ZNF628: variants seen among roughly 807,000 people sequenced by gnomAD.
The protein encoded by ZNF628 is zinc finger protein 628.
Under a neutral mutation model 2.5 loss-of-function variants are expected in ZNF628, and 3 were observed. The ratio of observed to expected loss-of-function variants is 1.19; its 90% CI spans 0.54 to 3.07. The LOEUF (loss-of-function observed/expected upper bound fraction) is 3.07. ZNF628 is among the 30% of genes most tolerant of loss of function. ZNF628 has a pLI of 0.03. For missense variants in ZNF628, 1,610 were observed against 1,517.1 expected, an observed-to-expected ratio of 1.06 and a Z score of -1.02; for synonymous variants, 861 against 717.1, an observed-to-expected ratio of 1.20 and a Z score of -3.21.
At position 55,482,847 on chromosome 19, in the gene ZNF628, T is replaced by G. The variant is rs1986770615; in HGVS notation, c.1654T>G (p.Cys552Gly). 1 of 1,602,564 alleles carries G rather than the reference T, an allele frequency of 6.2e-7. No individual in the cohort carries two copies. Among genetic ancestry groups the G allele is most frequent in the African/African-American group, 1.3e-5 (1 of 74,422 alleles). The change falls in exon 3 of 3, where the codon TGC (cysteine) becomes GGC (glycine). Residue 552 changes from cysteine (C) to glycine (G), a missense_variant. Cys to Gly is a radical substitution (Grantham distance 159). This residue lies in a region of ZNF628 where 651 missense variants were observed against 575.6 expected (regional missense o/e 1.13). Coordinates refer to ENST00000598519, the MANE Select transcript of ZNF628 (RefSeq NM_033113.3). The part of the protein sequence containing the change: ...ECGKAFRNTS[C>G]LRRHRHVHTG... ...TGGCAAGGCCTTCCGCAACACGTCG[T>G]GCCTGCGTCGCCACCGCCACGTGCA...
intron 1 of ZNF628, among the ~76,000 whole-genome samples, chr19:55,477,353 GTTTTT>G (rs60568698): frequency 6.8e-6 from 1 of 146,856 alleles, no homozygotes; most frequent in African/African-American, 2.5e-5. Context: ...CAGTAGGTTT[GTTTTT>G]TTTTTTTTTT....
At position 55,483,242 on chromosome 19, in the gene ZNF628, C is replaced by T. The variant is rs1314138460; in HGVS notation, c.2049C>T (p.His683=). 6.5e-7 allele frequency: 1 copy of T among 1,535,744 alleles called. No homozygotes were observed. Among genetic ancestry groups the T allele is most frequent in the South Asian group, 1.2e-5 (1 of 83,836 alleles). The stretch of plus-strand genomic sequence containing the variant: ...CCCAAGATGTCCACGTCCTGCCCCA[C>T]CTCCAGGCCACGCTCTCCCTCGAGG... ...PATQDVHVLP[H]LQATLSLEVA... The change falls in exon 3 of 3, where the codon CAC becomes CAT. Residue 683 remains histidine (H), a synonymous_variant. Coordinates refer to ENST00000598519, the MANE Select transcript of ZNF628 (RefSeq NM_033113.3).
At position 55,483,631 on chromosome 19, in the gene ZNF628, A is replaced by C; in HGVS notation, c.2438A>C (p.Gln813Pro). 1 of 1,613,544 alleles carries C rather than the reference A, an allele frequency of 6.2e-7. No individual in the cohort carries two copies. The highest frequency in any genetic ancestry group is 2.2e-5 in the East Asian group (1 of 44,880). ...QNVGGGEAGP[Q>P]EMSGVQLQPL... ...GTGGGGGGTGGGGAGGCAGGGCCACAGGAAATGAGTGGGGTGCAGCTCCAG... is the reference window on the plus strand; with the variant it reads ...GTGGGGGGTGGGGAGGCAGGGCCACCGGAAATGAGTGGGGTGCAGCTCCAG... Residue 813 changes from glutamine (Q) to proline (P), a missense_variant, in exon 3 of 3, where the codon CAG (glutamine) becomes CCG (proline). Physicochemically the swap from Gln to Pro is moderately conservative, Grantham distance 76 (BLOSUM62 -1). Coordinates refer to ENST00000598519, the MANE Select transcript of ZNF628 (RefSeq NM_033113.3).
chr19:55,482,147 G>C lies in ZNF628; in HGVS notation c.954G>C (p.Gly318=), dbSNP rs1423108831. ...TCCTGGAGCACCAGCCGTGCCCCGGGCCCGATGCGGCGCCCCAGCCCCAGG... is the reference window on the plus strand; with the variant it reads ...TCCTGGAGCACCAGCCGTGCCCCGGCCCCGATGCGGCGCCCCAGCCCCAGG... ...ELLLEHQPCP[G]PDAAPQPQEA... is the part of the protein sequence containing the mutation. Residue 318 remains glycine, a synonymous_variant, in exon 3 of 3, where the codon GGG becomes GGC. Coordinates refer to ENST00000598519, the MANE Select transcript of ZNF628 (RefSeq NM_033113.3). The C allele has an allele frequency of 4.0e-6, 6 of 1,500,624 alleles. No individual in the cohort carries two copies. Among genetic ancestry groups the C allele is most frequent in the Non-Finnish European group, 4.4e-6 (5 of 1,128,958 alleles). The allele number at this position is 1,500,624 out of a possible 1,614,324, so 93.0% of individuals were successfully genotyped here.
chr19:55,477,402 C>T (rs1255884216), intron 1 of ZNF628, among the ~76,000 whole-genome samples: 1 of 151,472 alleles, frequency 6.6e-6, no homozygotes, highest in Non-Finnish European at 1.5e-5. Context: ...GCTCCGTTGC[C>T]CAGGCTGGAG....
In ZNF628 at chr19:55,484,380, G is replaced by A; in HGVS notation, c.*7G>A. The stretch of plus-strand genomic sequence containing the variant: ...GCTGGTGCACACGTTTTGAGGAGAG[G>A]CAGTGATTCCCCTCCCGCCCCGCAC... On this transcript the variant is annotated 3_prime_UTR_variant, in exon 3 of 3. Coordinates refer to ENST00000598519, the MANE Select transcript of ZNF628 (RefSeq NM_033113.3). The A allele has an allele frequency of 2.1e-6, 3 of 1,441,306 alleles. No individual in the cohort carries two copies. The highest frequency in any genetic ancestry group is 2.7e-6 in the Non-Finnish European group (3 of 1,094,076). 89.3% of individuals were successfully genotyped at this position (1,441,306 alleles called of 1,614,324 possible). A position where few individuals can be genotyped will look rare whatever the true frequency, so the allele number is the denominator to read the frequency against.
At chr19:55,478,112 G>A (rs1234770679) in intron 1 of ZNF628, among the ~76,000 whole-genome samples, 3 of 152,202 alleles carry the variant, frequency 2.0e-5, no homozygotes, top group Non-Finnish European at 4.4e-5. Context: ...CAGGCGTCCA[G>A]TGGGTCGAGG....
intron 1 of ZNF628, 137 bp downstream of exon 1, chr19:55,476,944 CA>C (rs1448445063): frequency 6.6e-6 from 1 of 152,078 alleles, no homozygotes; most frequent in Admixed American, 6.5e-5. Flanking sequence ...CGACATTTGC[CA>C]GCTAGGCCGG....
chr19:55,478,594 C>T (rs1986620689), intron 1 of ZNF628, among the ~76,000 whole-genome samples: 1 of 152,216 alleles, frequency 6.6e-6, no homozygotes, highest in Non-Finnish European at 1.5e-5. Flanking sequence ...AATGCCCAGC[C>T]CTCCCTGTTG....
At chr19:55,477,570 C>G (rs1291822740) in intron 1 of ZNF628, among the ~76,000 whole-genome samples, 1 of 151,972 alleles carries the variant, frequency 6.6e-6, no homozygotes, top group Non-Finnish European at 1.5e-5. Context: ...AAGACCAGCC[C>G]AGGCAATATG....
chr19:55,481,341 C>A lies in ZNF628; in HGVS notation c.148C>A (p.Arg50=). 6.2e-7 allele frequency: 1 copy of A among 1,612,266 alleles called. No homozygotes were observed. The highest frequency in any genetic ancestry group is 2.2e-5 in the East Asian group (1 of 44,834). Residue 50 remains arginine, a synonymous_variant, in exon 3 of 3, where the codon CGG becomes AGG. Coordinates refer to ENST00000598519, the MANE Select transcript of ZNF628 (RefSeq NM_033113.3). The part of the protein sequence containing the change: ...ECGKSFRWSS[R]LLHHQRTHTG... ...TGGCAAGTCATTCCGGTGGTCGTCC[C>A]GGCTCCTGCACCACCAGCGCACGCA...
At chr19:55,478,152 T>C (rs75123257) in intron 1 of ZNF628, among the ~76,000 whole-genome samples, 2,130 of 152,262 alleles carry the variant, frequency 0.014, 45 homozygotes, top group African/African-American at 0.048. Flanking sequence ...CTCGACACCC[T>C]GCAGTGCACA....
At position 55,482,165 on chromosome 19, in the gene ZNF628, G is replaced by A; in HGVS notation, c.972G>A (p.Gln324=). The change falls in exon 3 of 3, where the codon CAG becomes CAA. Residue 324 remains glutamine, a synonymous_variant. Coordinates refer to ENST00000598519, the MANE Select transcript of ZNF628 (RefSeq NM_033113.3). ...QPCPGPDAAP[Q]PQEAPAEAPK... ...GCCCCGGGCCCGATGCGGCGCCCCAGCCCCAGGAGGCACCCGCCGAGGCGC... is the reference window on the plus strand; with the variant it reads ...GCCCCGGGCCCGATGCGGCGCCCCAACCCCAGGAGGCACCCGCCGAGGCGC... 1 of 1,496,364 alleles carries A rather than the reference G, an allele frequency of 6.7e-7. No individual in the cohort carries two copies. Among genetic ancestry groups the A allele is most frequent in the Non-Finnish European group, 8.9e-7 (1 of 1,127,504 alleles). 92.7% of individuals were successfully genotyped at this position (1,496,364 alleles called of 1,614,324 possible). A position where few individuals can be genotyped will look rare whatever the true frequency, so the allele number is the denominator to read the frequency against.
Position 55,483,830 on chromosome 19 carries a change from G to A in ZNF628, c.2637G>A (p.Gly879=). The stretch of plus-strand genomic sequence containing the variant: ...CCGGCCAGCTCTCCAATTCCAGTGG[G>A]GGAGCTGTGGCTACTGAGGCACCCA... The part of the protein sequence containing the change: ...PVAGQLSNSS[G]GAVATEAPNL... Residue 879 remains glycine (G), a synonymous_variant, in exon 3 of 3, where the codon GGG becomes GGA. Transcript: ENST00000598519. 1 of 1,613,500 alleles carries A rather than the reference G, an allele frequency of 6.2e-7. No individual in the cohort carries two copies. Among genetic ancestry groups the A allele is most frequent in the Middle Eastern group, 1.7e-4 (1 of 6,060 alleles).
rs993586545 is a variant in ZNF628 at position 55,482,497 on chromosome 19, C to T, written c.1304C>T (p.Pro435Leu). 1.9e-4 allele frequency: 276 copies of T among 1,449,474 alleles called. No individual in the cohort carries two copies. The highest frequency in any genetic ancestry group is 2.4e-4 in the Non-Finnish European group (260 of 1,104,988). The allele number at this position is 1,449,474 out of a possible 1,614,324, so 89.8% of individuals were successfully genotyped here. ...EVTCPQEPLA[P>L]AAPVPPPPPS... ...ACCTGCCCCCAGGAACCGCTGGCGC[C>T]TGCCGCCCCCGTCCCGCCGCCACCC... Residue 435 changes from proline to leucine, a missense_variant, in exon 3 of 3, where the codon CCT becomes CTT. Around this residue, in one of 5 missense-constraint regions of ZNF628, gnomAD observed 651 missense variants for 575.6 expected, o/e 1.13. Transcript: ENST00000598519.
Position 55,483,791 on chromosome 19 carries a change from G to A in ZNF628, c.2598G>A (p.Gln866=), listed in dbSNP as rs747362459. The A allele has an allele frequency of 3.1e-6, 5 of 1,613,858 alleles. No homozygotes were observed. The highest frequency in any genetic ancestry group is 1.3e-5 in the African/African-American group (1 of 75,048). Residue 866 remains glutamine (Q), a synonymous_variant, in exon 3 of 3, where the codon CAG becomes CAA. Transcript: ENST00000598519. ...CAGCACAGGAGGTGACCACGGTCCAGCTCCAGCCCGTGGCCGGCCAGCTCT... is the reference window on the plus strand; with the variant it reads ...CAGCACAGGAGGTGACCACGGTCCAACTCCAGCCCGTGGCCGGCCAGCTCT... ...LQPAQEVTTV[Q]LQPVAGQLSN...
chr19:55,482,296 T>C lies in ZNF628; in HGVS notation c.1103T>C (p.Val368Ala). ...CCCTGCGGCAAGTCCTTCCGGACGG[T>C]GGCTGGGCTCTCCCGCCACCAGCAC... ...CLPCGKSFRTVAGLSRHQHSH... is the reference protein window; with the variant it reads ...CLPCGKSFRTAAGLSRHQHSH... Residue 368 changes from valine (V) to alanine (A), a missense_variant, in exon 3 of 3, where the codon GTG becomes GCG. Physicochemically the swap from Val to Ala is moderately conservative, Grantham distance 64 (BLOSUM62 0). Coordinates refer to ENST00000598519, the MANE Select transcript of ZNF628 (RefSeq NM_033113.3). The C allele has an allele frequency of 1.4e-6, 2 of 1,470,072 alleles. No individual in the cohort carries two copies. The highest frequency in any genetic ancestry group is 2.4e-5 in the Admixed American group (1 of 42,044). The allele number at this position is 1,470,072 out of a possible 1,614,324, so 91.1% of individuals were successfully genotyped here. A position where few individuals can be genotyped will look rare whatever the true frequency, so the allele number is the denominator to read the frequency against.
Position 55,482,027 on chromosome 19 carries a change from G to A in ZNF628, c.834G>A (p.Val278=). 6 of 1,478,284 alleles carry A rather than the reference G, an allele frequency of 4.1e-6. No individual in the cohort carries two copies. The highest frequency in any genetic ancestry group is 5.4e-6 in the Non-Finnish European group (6 of 1,118,030). 91.6% of individuals were successfully genotyped at this position (1,478,284 alleles called of 1,614,324 possible). The stretch of plus-strand genomic sequence containing the variant: ...CCCCGCCGCCCCCGCCCCCGCCCGT[G>A]GTGCCTGAGCTCTTTTTGGCGGCGG... ...PPAPPPPPPP[V]VPELFLAAAE... The change falls in exon 3 of 3, where the codon GTG becomes GTA. Residue 278 remains valine (V), a synonymous_variant. Coordinates refer to ENST00000598519, the MANE Select transcript of ZNF628 (RefSeq NM_033113.3).
At position 55,479,341 on chromosome 19, in the gene ZNF628, C is replaced by T. The variant is rs752510361; in HGVS notation, c.-77-493C>T. On this transcript the variant is annotated intron_variant, in intron 1 of 2. Coordinates refer to ENST00000598519, the MANE Select transcript of ZNF628 (RefSeq NM_033113.3). The surrounding 1 kb of genome is among the most constrained non-coding windows in gnomAD (Gnocchi z 5.1). ...TGAAGGGGTTTGCGCTGGGAAAGAG[C>T]GGGCTGACACTTGAGCTGCTCTGCT... 6.6e-6 allele frequency among the ~76,000 whole-genome samples: 1 copy of T among 152,176 alleles called. No individual in the cohort carries two copies. The highest frequency in any genetic ancestry group is 1.5e-5 in the Non-Finnish European group (1 of 68,030).
Sources: gnomAD v4.1 joint callset for allele counts (sites outside exome capture counted in the v4.1 genomes callset) on GRCh38, gnomAD v4.1.1 for gene constraint, gnomAD v4.1.1 regional missense constraint, Gnocchi (gnomAD v3.1) non-coding constraint, MANE v1.5 for transcripts, NCBI Gene and HGNC (gene_info 2026-07-23, HGNC 2026-07-21) for gene names.